AREL1: variants seen among roughly 807,000 people sequenced by gnomAD.
AREL1 encodes the protein apoptosis-resistant E3 ubiquitin protein ligase 1.
In AREL1, 62 loss-of-function variants were observed where a neutral mutation model predicts 99.0. The ratio of observed to expected loss-of-function variants is 0.63; its 90% CI spans 0.51 to 0.77. The LOEUF (loss-of-function observed/expected upper bound fraction) is 0.77. AREL1 is among the 30% of genes least tolerant of loss of function. The pLI is 0.00. For missense variants in AREL1, 879 were observed against 1,027.6 expected (o/e 0.86, Z 1.98); for synonymous variants, 380 against 376.5 (o/e 1.01, Z -0.11).
intron 5 of AREL1, among the ~76,000 whole-genome samples, chr14:74,677,568 A>G (rs1329729972): frequency 3.2e-5 from 4 of 124,526 alleles, no homozygotes; most frequent in African/African-American, 6.3e-5. Flanking sequence ...ATGCAGTGGC[A>G]CGATCTCGGC....
rs528513631 is a variant in AREL1, at chr14:74,703,381, T to A, written c.-334+9552A>T. Among the ~76,000 whole-genome samples, 27 of 152,270 alleles carry A rather than the reference T, an allele frequency of 1.8e-4. 1 individual carries two copies. The highest frequency in any genetic ancestry group is 1.5e-3 in the Admixed American group (23 of 15,300). On this transcript the variant is annotated intron_variant, in intron 1 of 19. Transcript: ENST00000356357. ...GAACAGTATGAGGGAAACCACCCCATGATTCAATTATCTCCCACTGGATCC... is the reference window on the plus strand; with the variant it reads ...GAACAGTATGAGGGAAACCACCCCAAGATTCAATTATCTCCCACTGGATCC...
intron 5 of AREL1, among the ~76,000 whole-genome samples, chr14:74,679,555 G>A (rs980857617): frequency 1.3e-5 from 2 of 152,140 alleles, no homozygotes; most frequent in African/African-American, 2.4e-5. Context: ...GGCCGGGCAC[G>A]GTGGTTCATG....
intron 5 of AREL1, among the ~76,000 whole-genome samples, chr14:74,677,703 A>G (rs372363536): frequency 2.4e-4 from 36 of 151,450 alleles, no homozygotes; most frequent in African/African-American, 8.0e-4. Context: ...GCGTTTCACC[A>G]TATTGGCCAG....
At chr14:74,665,484 T>G (rs1031635326) in intron 17 of AREL1, among the ~76,000 whole-genome samples, 14 of 152,308 alleles carry the variant, frequency 9.2e-5, no homozygotes, top group African/African-American at 3.1e-4. Context: ...AACTGTTTCC[T>G]GACAGTCTGC....
rs1315148012 is a variant in AREL1, at chr14:74,684,466, G to A, written c.231C>T (p.Ala77=). Residue 77 remains alanine, a synonymous_variant, in exon 4 of 20, where the codon GCC becomes GCT. Coordinates refer to ENST00000356357, the MANE Select transcript of AREL1 (RefSeq NM_001039479.2). ...AACATTCCCTTACATGCACTCGGAA[G>A]GCCATGCTGTGGCCCACCTCATAGG... ...KDPYEVGHSM[A]FRVHLFYKNG... is the part of the protein sequence containing the mutation. The A allele has an allele frequency of 2.5e-6, 4 of 1,614,148 alleles. No homozygotes were observed. The highest frequency in any genetic ancestry group is 1.1e-5 in the South Asian group (1 of 91,084).
chr14:74,691,690 T>C (rs1184210265), intron 2 of AREL1, among the ~76,000 whole-genome samples: 1 of 152,200 alleles, frequency 6.6e-6, no homozygotes, highest in East Asian at 1.9e-4. Flanking sequence ...TGGCTCACAT[T>C]ACCTACCAAA....
At chr14:74,707,368 T>TA (rs943851829) in intron 1 of AREL1, among the ~76,000 whole-genome samples, 46 of 140,476 alleles carry the variant, frequency 3.3e-4, no homozygotes, top group Non-Finnish European at 5.0e-4. Context: ...AACTCCATTT[T>TA]AAAAAAAAAA....
chr14:74,683,639 T>A (rs1160945292), intron 4 of AREL1, 106 bp from the exon 5 acceptor site: 3 of 920,720 alleles, frequency 3.3e-6, no homozygotes, highest in African/African-American at 1.6e-5. Context: ...ACCACACCAG[T>A]AAATCCCAGT....
Position 74,671,556 on chromosome 14 carries a change from G to C in AREL1, c.1423-73C>G, listed in dbSNP as rs759495637. 7.0e-6 allele frequency: 7 copies of C among 996,794 alleles called. No individual in the cohort carries two copies. The Admixed American group carries it at 1.2e-4, about 18-fold the overall frequency. The allele number at this position is 996,794 out of a possible 1,614,324, so 61.7% of individuals were successfully genotyped here. A position where few individuals can be genotyped will look rare whatever the true frequency, so the allele number is the denominator to read the frequency against. ...CCTCTGGATGTTAAAGACAACACAA[G>C]AGCACTGCCATTGTCTGCTGGACTA... On this transcript the variant is annotated intron_variant, in intron 11 of 19. Coordinates refer to ENST00000356357, the MANE Select transcript of AREL1 (RefSeq NM_001039479.2).
chr14:74,661,774 A>G lies in AREL1; in HGVS notation c.*1946T>C, dbSNP rs2089084240. 1.9e-5 allele frequency: 3 copies of G among 154,736 alleles called. No individual in the cohort carries two copies. The Admixed American group carries it at 1.9e-4, about 10-fold the overall frequency. The allele number at this position is 154,736 out of a possible 1,614,324, so 9.6% of individuals were successfully genotyped here. A position where few individuals can be genotyped will look rare whatever the true frequency, so the allele number is the denominator to read the frequency against. Reference sequence around the variant, plus strand: ...ATGCAGCTTCCCTGGTTGGGTTGCAATGGTGCCTAAGATGCTCTGAAAAAG... The same window carrying G: ...ATGCAGCTTCCCTGGTTGGGTTGCAGTGGTGCCTAAGATGCTCTGAAAAAG... On this transcript the variant is annotated 3_prime_UTR_variant, in exon 20 of 20. Transcript: ENST00000356357.
rs1324639836 is a variant in AREL1 at position 74,662,845 on chromosome 14, G to T, written c.*875C>A. Reference sequence around the variant, plus strand: ...AATGCTAAAGGATCCCCAGCTTTTAGCAGACTACATAATGGGGAAGTCAGT... The same window carrying T: ...AATGCTAAAGGATCCCCAGCTTTTATCAGACTACATAATGGGGAAGTCAGT... On this transcript the variant is annotated 3_prime_UTR_variant, in exon 20 of 20. Coordinates refer to ENST00000356357, the MANE Select transcript of AREL1 (RefSeq NM_001039479.2). The T allele has an allele frequency of 2.7e-6, 1 of 371,048 alleles. No homozygotes were observed. The highest frequency in any genetic ancestry group is 4.8e-6 in the Non-Finnish European group (1 of 209,396). 23.0% of individuals were successfully genotyped at this position (371,048 alleles called of 1,614,324 possible). A position where few individuals can be genotyped will look rare whatever the true frequency, so the allele number is the denominator to read the frequency against.
rs941079974 is a variant in AREL1 at position 74,688,283 on chromosome 14, C to T, written c.-45-2623G>A. On this transcript the variant is annotated intron_variant, in intron 2 of 19. Coordinates refer to ENST00000356357, the MANE Select transcript of AREL1 (RefSeq NM_001039479.2). Reference sequence around the variant, plus strand: ...CTCGTGATCCACCCGCCTCAGCCTCCCAAAGTGCTGGGATTACAGGCGTGA... The same window carrying T: ...CTCGTGATCCACCCGCCTCAGCCTCTCAAAGTGCTGGGATTACAGGCGTGA... Among the ~76,000 whole-genome samples, 65 of 152,066 alleles carry T rather than the reference C, an allele frequency of 4.3e-4. 1 individual carries two copies. The highest frequency in any genetic ancestry group is 1.5e-3 in the African/African-American group (63 of 41,412).
intron 1 of AREL1, among the ~76,000 whole-genome samples, chr14:74,702,510 G>C (rs1479752660): frequency 6.6e-6 from 1 of 152,202 alleles, no homozygotes; most frequent in African/African-American, 2.4e-5. Flanking sequence ...CACAGCAGGG[G>C]GGACCTGGGC....
chr14:74,699,282 C>G (rs1217778510), intron 1 of AREL1, among the ~76,000 whole-genome samples: 1 of 151,982 alleles, frequency 6.6e-6, no homozygotes, highest in Admixed American at 6.6e-5. Flanking sequence ...CCTCCCACAT[C>G]CCAAAGATGT....
chr14:74,664,448 C>CTTT (rs56728679), intron 18 of AREL1, among the ~76,000 whole-genome samples: 361 of 76,666 alleles, frequency 4.7e-3, no homozygotes, highest in Non-Finnish European at 5.5e-3. Context: ...CTTTTCCTTT[C>CTTT]TTTTTTTTTT....
chr14:74,690,861 C>T (rs1386293393), intron 2 of AREL1, among the ~76,000 whole-genome samples: 39 of 152,162 alleles, frequency 2.6e-4, no homozygotes, highest in Admixed American at 2.5e-3. Flanking sequence ...CCAAACACTG[C>T]CTTCAGTGCT....
chr14:74,671,428 A>G lies in AREL1; in HGVS notation c.1478T>C (p.Val493Ala). ...CTGACCTTCTTCATCCTGGAAAACA[A>G]CCTCAAAGTTCTTGCTCCAATCTGA... ...SISDWSKNFE[V>A]VFQDEEALDW... The change falls in exon 12 of 20, where the codon GTT becomes GCT. Residue 493 changes from valine to alanine, a missense_variant. By Grantham distance (64) the Val-to-Ala change is moderately conservative (BLOSUM62 0). Coordinates refer to ENST00000356357, the MANE Select transcript of AREL1 (RefSeq NM_001039479.2). The G allele has an allele frequency of 6.3e-7, 1 of 1,587,336 alleles. No individual in the cohort carries two copies. The highest frequency in any genetic ancestry group is 8.6e-7 in the Non-Finnish European group (1 of 1,169,348).
chr14:74,669,980 C>A lies in AREL1; in HGVS notation c.1755G>T (p.Leu585=). ...GCATACGCAGTCCTATGATTTGGGC[C>A]AGGAAAGAGCGGGTGAAGCGAGCTC... The part of the protein sequence containing the change: ...LVRARFTRSF[L]AQIIGLRMHY... Residue 585 remains leucine (L), a synonymous_variant, in exon 14 of 20, where the codon CTG becomes CTT. Coordinates refer to ENST00000356357, the MANE Select transcript of AREL1 (RefSeq NM_001039479.2). The A allele has an allele frequency of 6.2e-7, 1 of 1,613,302 alleles. No individual in the cohort carries two copies. The highest frequency in any genetic ancestry group is 1.1e-5 in the South Asian group (1 of 91,004).
chr14:74,683,544 GAGA>G lies in AREL1; in HGVS notation c.244-14_244-12del, dbSNP rs772873794. 23 of 1,612,024 alleles carry G rather than the reference GAGA, an allele frequency of 1.4e-5. 1 individual carries two copies. In the Admixed American group the frequency reaches 2.2e-4, roughly 15 times the overall value. On this transcript the variant is annotated splice_polypyrimidine_tract_variant and intron_variant, in intron 4 of 19. Transcript: ENST00000356357. ...GTTCTTATAGAATAACTGCCATGGGGAGAAGAAGGACACCTGTTAGCAAGCAGA... is the reference window on the plus strand; with the variant it reads ...GTTCTTATAGAATAACTGCCATGGGGAGAAGGACACCTGTTAGCAAGCAGA...
Sources: allele counts gnomAD v4.1 joint callset (sites outside exome capture counted in the v4.1 genomes callset), GRCh38; gene constraint gnomAD v4.1.1; transcripts MANE v1.5; gene names NCBI Gene and HGNC (gene_info 2026-07-23, HGNC 2026-07-21).